The following FANCA variants were observed in gnomAD, a reference collection of about 807,000 sequenced individuals.
The protein encoded by FANCA is FA complementation group A, also known as Fanconi anemia group A protein.
In FANCA, 236 loss-of-function variants were observed where a neutral mutation model predicts 194.3. The ratio of observed to expected loss-of-function variants is 1.21; its 90% CI spans 1.09 to 1.35. FANCA has a LOEUF of 1.35. FANCA is among the 40% of genes most tolerant of loss of function. FANCA has a pLI of 0.00. For missense variants in FANCA, 2,628 were observed against 1,813.9 expected, an observed-to-expected ratio of 1.45 and a Z score of -8.15; for synonymous variants, 1,014 against 715.8, an observed-to-expected ratio of 1.42 and a Z score of -6.65.
intron 8 of FANCA, among the ~76,000 whole-genome samples, chr16:89,802,992 G>T (rs137948936): frequency 1.3e-5 from 2 of 152,270 alleles, no homozygotes; most frequent in African/African-American, 4.8e-5. Flanking sequence ...GAGTGAGGCG[G>T]CTATAGTTAA....
chr16:89,760,944 G>T (rs1245754823), intron 29 of FANCA, among the ~76,000 whole-genome samples: 1 of 152,174 alleles, frequency 6.6e-6, no homozygotes, highest in East Asian at 1.9e-4. Flanking sequence ...CCCAGCCAGG[G>T]TAGGGTGAAG....
At chr16:89,793,201 G>C (rs1445930712) in intron 11 of FANCA, among the ~76,000 whole-genome samples, 2 of 152,104 alleles carry the variant, frequency 1.3e-5, no homozygotes, top group African/African-American at 4.8e-5. Context: ...AGTAGTGAGT[G>C]GTGTTCCTTG....
At chr16:89,794,378 T>C (rs2143547302) in intron 11 of FANCA, among the ~76,000 whole-genome samples, 2 of 151,932 alleles carry the variant, frequency 1.3e-5, no homozygotes, top group East Asian at 3.9e-4. Flanking sequence ...GGTGAAACCC[T>C]GTCTCTACTC....
intron 5 of FANCA, among the ~76,000 whole-genome samples, chr16:89,808,781 T>C (rs2040762208): frequency 6.6e-6 from 1 of 152,028 alleles, no homozygotes; most frequent in South Asian, 2.1e-4. Flanking sequence ...GTCCCTTGTC[T>C]TTCTCACTCA....
rs1555549451 is a variant in FANCA, at chr16:89,773,340, GC to G, written c.1944del (p.Glu648AspfsTer13). The G allele has an allele frequency of 1.3e-6, 2 of 1,551,452 alleles. No homozygotes were observed. The highest frequency in any genetic ancestry group is 1.4e-5 in the African/African-American group (1 of 73,050). ...GVRAEPNSAEEPLGQLTAALG... is the reference protein window; with the variant it reads ...GVRAEPNSAEXPLGQLTAALG... ...AGTGCAGCTGTGAGCTGTCCCAGGG[GC>G]TCCTCAGCAGAGTTGGGTTCTGCCC... is the stretch of plus-strand genomic sequence containing the variant. On this transcript the variant is annotated frameshift_variant, in exon 22 of 43. Coordinates refer to ENST00000389301, the MANE Select transcript of FANCA (RefSeq NM_000135.4). LOFTEE classifies it high-confidence loss of function.
rs747723074 is a variant in FANCA, at chr16:89,770,234, C to T, written c.2248G>A (p.Val750Met). ...ERQGPWAALF[V>M]RTMCGRVLPA... ...AGCACACGTCCACACATGGTCCTCA[C>T]GAAGAGGGCAGCCCAGGGACCCTGC... Residue 750 changes from valine to methionine, a missense_variant, in exon 25 of 43, where the codon GTG (valine) becomes ATG (methionine). Val to Met is a conservative substitution (Grantham distance 21, BLOSUM62 1). Transcript: ENST00000389301. 2.1e-5 allele frequency: 33 copies of T among 1,586,992 alleles called. No individual in the cohort carries two copies. The highest frequency in any genetic ancestry group is 9.1e-5 in the East Asian group (4 of 44,000).
At chr16:89,797,081 A>G (rs966644002) in intron 10 of FANCA, among the ~76,000 whole-genome samples, 2 of 152,130 alleles carry the variant, frequency 1.3e-5, no homozygotes, top group African/African-American at 4.8e-5. Flanking sequence ...AATGGTGTGA[A>G]CCCAGGGAGC....
chr16:89,799,533 C>T, intron 9 of FANCA, 72 bp downstream of exon 9: 1 of 1,397,970 alleles, frequency 7.2e-7, no homozygotes, highest in South Asian at 1.2e-5. Flanking sequence ...AATGGAAAGG[C>T]AGAAAACTGA....
chr16:89,776,160 T>C (rs921438744), intron 20 of FANCA, among the ~76,000 whole-genome samples: 4 of 67,576 alleles, frequency 5.9e-5, no homozygotes, highest in Non-Finnish European at 9.2e-5. Context: ...TTTGTTTTTC[T>C]TTTTTTTTTT....
At chr16:89,813,190 T>C (rs1274757495) in intron 3 of FANCA, among the ~76,000 whole-genome samples, 1 of 151,408 alleles carries the variant, frequency 6.6e-6, no homozygotes, top group Admixed American at 6.6e-5. Context: ...TGAGGTAAAC[T>C]GATTGCTTGA....
At chr16:89,780,081 G>C in intron 17 of FANCA, 124 bp from the exon 18 acceptor site, 1 of 858,558 alleles carries the variant, frequency 1.2e-6, no homozygotes, top group East Asian at 2.6e-5. Flanking sequence ...AAAGGTAAAG[G>C]CCCACATGCT....
intron 36 of FANCA, among the ~76,000 whole-genome samples, chr16:89,743,152 G>A (rs539205715): frequency 2.6e-5 from 4 of 152,296 alleles, no homozygotes; most frequent in Admixed American, 6.5e-5. Context: ...GCATCCTGGC[G>A]TTCTGAGAGC....
At chr16:89,799,530 A>G in intron 9 of FANCA, 75 bp downstream of exon 9, 1 of 1,376,610 alleles carries the variant, frequency 7.3e-7, no homozygotes, top group Non-Finnish European at 1.0e-6. Context: ...TCAAATGGAA[A>G]GGCAGAAAAC....
rs2143531033 is a variant in FANCA at position 89,792,081 on chromosome 16, C to T, written c.1084-13G>A. On this transcript the variant is annotated splice_polypyrimidine_tract_variant and intron_variant, in intron 12 of 42. Transcript: ENST00000389301. ...GCATCACAAAGAGCTGAAATAAAAG[C>T]ATCCGCTCCCTTCAATATCCAAGCA... The T allele has an allele frequency of 6.2e-7, 1 of 1,614,204 alleles. No homozygotes were observed. The highest frequency in any genetic ancestry group is 8.5e-7 in the Non-Finnish European group (1 of 1,180,030).
intron 7 of FANCA, among the ~76,000 whole-genome samples, 191 bp from the exon 8 acceptor site, chr16:89,803,532 T>G (rs1386263597): frequency 6.6e-6 from 1 of 152,160 alleles, no homozygotes; most frequent in African/African-American, 2.4e-5. Context: ...ACACTAGCGT[T>G]CACCAAACCC....
intron 10 of FANCA, chr16:89,798,808 A>C: frequency 6.9e-7 from 1 of 1,443,302 alleles, no homozygotes; most frequent in Non-Finnish European, 9.1e-7. Context: ...GGGGGCTGAG[A>C]GGCAGGGCCA....
At chr16:89,743,403 G>C (rs573989883) in intron 36 of FANCA, among the ~76,000 whole-genome samples, 6 of 152,180 alleles carry the variant, frequency 3.9e-5, no homozygotes, top group Admixed American at 6.5e-5. Flanking sequence ...ACAATGCTGT[G>C]GTTTAAGAGA....
rs1417457616 is a variant in FANCA, at chr16:89,737,961, G to C, written c.*640C>G. ...CTGTGGCCCTCGCACCTTCTTATCT[G>C]CCTCTGTCCCCCAGGTGTGAGGTCT... On this transcript the variant is annotated 3_prime_UTR_variant, in exon 43 of 43. Transcript: ENST00000389301. 1.2e-6 allele frequency: 2 copies of C among 1,614,118 alleles called. No homozygotes were observed. The highest frequency in any genetic ancestry group is 3.3e-5 in the Admixed American group (2 of 60,014).
chr16:89,786,398 C>T (rs2039899776), intron 14 of FANCA, among the ~76,000 whole-genome samples: 1 of 152,078 alleles, frequency 6.6e-6, no homozygotes, highest in African/African-American at 2.4e-5. Context: ...GGCCAGGCTA[C>T]TCTTGAACTC....
Sources: allele counts gnomAD v4.1 joint callset (sites outside exome capture counted in the v4.1 genomes callset), GRCh38; gene constraint gnomAD v4.1.1; transcripts MANE v1.5; gene names NCBI Gene and HGNC (gene_info 2026-07-23, HGNC 2026-07-21).